ST8SIA6: variants seen among roughly 807,000 people sequenced by gnomAD.
ST8SIA6 encodes the protein ST8 alpha-N-acetyl-neuraminide alpha-2,8-sialyltransferase 6.
In ST8SIA6, 39 loss-of-function variants were observed where a neutral mutation model predicts 33.6. The ratio of observed to expected loss-of-function variants is 1.16; its 90% confidence interval spans 0.90 to 1.52. The LOEUF is 1.52. Ranked by LOEUF, ST8SIA6 falls within the 40% of genes most tolerant of loss-of-function variation. The pLI is 0.00. For synonymous variants in ST8SIA6, 172 were observed against 167.2 expected, an observed-to-expected ratio of 1.03 and a Z score of -0.22; for missense variants, 441 against 443.8, an observed-to-expected ratio of 0.99 and a Z score of 0.06.
intron 2 of ST8SIA6, among the ~76,000 whole-genome samples, chr10:17,450,388 T>C (rs541650964): frequency 1.3e-5 from 2 of 152,290 alleles, no homozygotes; most frequent in South Asian, 2.1e-4. Flanking sequence ...GAGTTTCAAC[T>C]CTTGACCGCT....
intron 4 of ST8SIA6, among the ~76,000 whole-genome samples, chr10:17,340,591 T>A (rs1296206834): frequency 6.6e-6 from 1 of 152,154 alleles, no homozygotes; most frequent in Non-Finnish European, 1.5e-5. Context: ...TCGCCATTGC[T>A]CCCTTCATGA....
chr10:17,445,550 G>C (rs1031293988), intron 2 of ST8SIA6, among the ~76,000 whole-genome samples: 1 of 152,194 alleles, frequency 6.6e-6, no homozygotes, highest in Non-Finnish European at 1.5e-5. Flanking sequence ...CCAAAGAATA[G>C]AGAGCCTGCC....
chr10:17,421,796 A>C (rs1245608740), intron 2 of ST8SIA6, among the ~76,000 whole-genome samples: 1 of 152,118 alleles, frequency 6.6e-6, no homozygotes, highest in African/African-American at 2.4e-5. Context: ...CAAACTCCTG[A>C]GCTCCAGTCA....
intron 3 of ST8SIA6, among the ~76,000 whole-genome samples, chr10:17,361,507 C>A (rs914519404): frequency 1.6e-5 from 2 of 121,272 alleles, no homozygotes; most frequent in African/African-American, 3.5e-5. Flanking sequence ...AATTAAAATT[C>A]TTCCTACAAA....
intron 3 of ST8SIA6, among the ~76,000 whole-genome samples, chr10:17,373,781 T>C (rs780292042): frequency 2.0e-5 from 3 of 152,210 alleles, no homozygotes; most frequent in Non-Finnish European, 4.4e-5. Flanking sequence ...ATTATTTTTA[T>C]TACCATGGTC....
At chr10:17,425,697 TAGGAAGGAGGA>T (rs776078651) in intron 2 of ST8SIA6, among the ~76,000 whole-genome samples, 26 of 104,792 alleles carry the variant, frequency 2.5e-4, no homozygotes, top group Non-Finnish European at 4.3e-4. Context: ...GAAGGAAAGG[TAGGAAGGAGGA>T]AGGAAGGGAA....
In ST8SIA6 at chr10:17,316,910, C is replaced by T. The variant is rs775970839; in HGVS notation, c.*3968G>A. 6.6e-5 allele frequency among the ~76,000 whole-genome samples: 10 copies of T among 152,116 alleles called. No homozygotes were observed. Among genetic ancestry groups the T allele is most frequent in the Non-Finnish European group, 1.3e-4 (9 of 68,004 alleles). On this transcript the variant is annotated 3_prime_UTR_variant, in exon 8 of 8. Transcript: ENST00000377602. ...TTTCAGTCTGTCCCCAGCCTATTAA[C>T]TTTAAGGTGTCATTCACTGACTAGA...
chr10:17,424,738 AT>A (rs779491848), intron 2 of ST8SIA6, among the ~76,000 whole-genome samples: 2,991 of 140,736 alleles, frequency 0.021, 30 homozygotes, highest in Non-Finnish European at 0.028. Context: ...AACATCATAA[AT>A]TTTTTTTTTT....
chr10:17,371,472 G>A (rs1849729668), intron 3 of ST8SIA6, among the ~76,000 whole-genome samples: 1 of 151,970 alleles, frequency 6.6e-6, no homozygotes, highest in South Asian at 2.1e-4. Flanking sequence ...AAGGAGACGT[G>A]AGAAGGAATC....
chr10:17,329,206 C>A (rs541624850), intron 5 of ST8SIA6, among the ~76,000 whole-genome samples: 2 of 152,286 alleles, frequency 1.3e-5, no homozygotes, highest in South Asian at 4.1e-4. Flanking sequence ...GGCACTATTT[C>A]AAGTACATAC....
intron 6 of ST8SIA6, 82 bp from the exon 7 acceptor site, chr10:17,323,239 A>G: frequency 1.3e-6 from 1 of 786,484 alleles, no homozygotes; most frequent in Non-Finnish European, 2.1e-6. Flanking sequence ...GCACACACAC[A>G]CACACACACA....
intron 3 of ST8SIA6, among the ~76,000 whole-genome samples, chr10:17,389,038 C>G (rs1238520719): frequency 1.3e-5 from 2 of 152,114 alleles, no homozygotes; most frequent in African/African-American, 2.4e-5. Flanking sequence ...GCTGACACCC[C>G]CCAGACTCAT....
intron 2 of ST8SIA6, among the ~76,000 whole-genome samples, chr10:17,395,800 T>C (rs1299327264): frequency 6.6e-6 from 1 of 152,142 alleles, no homozygotes; most frequent in East Asian, 1.9e-4. Flanking sequence ...GGAGAATTGC[T>C]TGAACCCAGG....
chr10:17,352,601 TA>T (rs1199149637), intron 4 of ST8SIA6, among the ~76,000 whole-genome samples: 8 of 152,144 alleles, frequency 5.3e-5, no homozygotes, highest in Non-Finnish European at 1.2e-4. Context: ...AATATATAGC[TA>T]ATATTGAGTA....
chr10:17,370,621 A>G (rs1355330160), intron 3 of ST8SIA6, among the ~76,000 whole-genome samples: 1 of 152,028 alleles, frequency 6.6e-6, no homozygotes, highest in East Asian at 1.9e-4. Context: ...TTTTCTCCTT[A>G]ATTATGATAT....
At chr10:17,380,843 G>A (rs1337097191) in intron 3 of ST8SIA6, among the ~76,000 whole-genome samples, 3 of 78,358 alleles carry the variant, frequency 3.8e-5, no homozygotes, top group Non-Finnish European at 7.6e-5. Context: ...GTATGTGTAC[G>A]TTTGTGTGTT....
chr10:17,328,811 C>T (rs576084533), intron 5 of ST8SIA6, among the ~76,000 whole-genome samples: 25 of 152,254 alleles, frequency 1.6e-4, no homozygotes, highest in African/African-American at 5.3e-4. Context: ...GTGCGCAGAA[C>T]GAACCTGACC....
rs538386308 is a variant in ST8SIA6 at position 17,394,155 on chromosome 10, T to G, written c.201-3535A>C. Among the ~76,000 whole-genome samples the G allele has an allele frequency of 2.0e-5, 3 of 152,112 alleles. No individual in the cohort carries two copies. In the East Asian group the frequency reaches 5.8e-4, roughly 29 times the overall value. ...AAATCAGAGAGGGTATCTTTTTAAA[T>G]AAAAACTCAGAATAGGTTTAGTTGC... On this transcript the variant is annotated intron_variant, in intron 2 of 7. Coordinates refer to ENST00000377602, the MANE Select transcript of ST8SIA6 (RefSeq NM_001004470.3).
chr10:17,405,884 C>CAAAAAAAA (rs10546412), intron 2 of ST8SIA6, among the ~76,000 whole-genome samples: 1 of 85,354 alleles, frequency 1.2e-5, no homozygotes, highest in Non-Finnish European at 2.7e-5. Flanking sequence ...GACTCCATTT[C>CAAAAAAAA]AAAAAAAAAA....
Sources: allele counts gnomAD v4.1 joint callset (sites outside exome capture counted in the v4.1 genomes callset), GRCh38; gene constraint gnomAD v4.1.1; transcripts MANE v1.5; gene names NCBI Gene and HGNC (gene_info 2026-07-23, HGNC 2026-07-21).